The following BCAS3 variants were observed in gnomAD, a reference collection of about 807,000 sequenced individuals.
BCAS3 encodes the protein BCAS4/BCAS3 fusion.
A neutral mutation model predicts 116.1 loss-of-function variants in BCAS3; 53 were observed. That is an observed-to-expected ratio of 0.46 (90% confidence interval 0.37 to 0.57). The LOEUF (loss-of-function observed/expected upper bound fraction) is 0.57. BCAS3 is among the 20% of genes least tolerant of loss of function. The pLI, the probability that BCAS3 is intolerant of heterozygous loss-of-function variation, is 0.00. For synonymous variants in BCAS3, 391 were observed against 408.2 expected, an observed-to-expected ratio of 0.96 and a Z score of 0.51; for missense variants, 917 against 1,165.4, an observed-to-expected ratio of 0.79 and a Z score of 3.10.
At chr17:61,137,012 T>C (rs1328075511) in intron 22 of BCAS3, among the ~76,000 whole-genome samples, 1 of 152,134 alleles carries the variant, frequency 6.6e-6, no homozygotes, top group Admixed American at 6.5e-5. Flanking sequence ...ATAAAACTTT[T>C]TTAAAAAAAG....
intron 6 of BCAS3, among the ~76,000 whole-genome samples, chr17:60,762,631 G>A (rs1049818583): frequency 8.5e-5 from 13 of 152,122 alleles, no homozygotes; most frequent in Admixed American, 5.9e-4. Context: ...GTCAGGTAGC[G>A]TGATGCCTCC....
rs535544481 is a variant in BCAS3 at position 61,023,889 on chromosome 17, G to A, written c.1637+7988G>A. ...TGACAAATTGAGTAGGTTTTATATG[G>A]CATATTTGTTAAGCCTGCTAAAATT... On this transcript the variant is annotated intron_variant, in intron 16 of 23. Transcript: ENST00000407086. This position sits in a 1 kb window ranked among gnomAD's most constrained non-coding sequence, Gnocchi z 4.8. Among the ~76,000 whole-genome samples, 3 of 152,148 alleles carry A rather than the reference G, an allele frequency of 2.0e-5. No individual in the cohort carries two copies. Among genetic ancestry groups the A allele is most frequent in the African/African-American group, 4.8e-5 (2 of 41,494 alleles).
In BCAS3 at chr17:61,076,141, G is replaced by A. The variant is rs1315623201; in HGVS notation, c.2130+1121G>A. Among the ~76,000 whole-genome samples the A allele has an allele frequency of 3.9e-5, 6 of 152,256 alleles. No homozygotes were observed. The East Asian group carries it at 1.2e-3, about 29-fold the overall frequency. ...GGGCTTTGAAATAAAAGATACTTGG[G>A]CAGATGTCAAAATGATGGGATTACA... is the stretch of plus-strand genomic sequence containing the variant. On this transcript the variant is annotated intron_variant, in intron 20 of 23. Transcript: ENST00000407086.
Position 61,348,908 on chromosome 17 carries a change from A to T in BCAS3, c.2426-19419A>T, listed in dbSNP as rs2057668730. 6.6e-6 allele frequency among the ~76,000 whole-genome samples: 1 copy of T among 151,856 alleles called. No individual in the cohort carries two copies. Among genetic ancestry groups the T allele is most frequent in the African/African-American group, 2.4e-5 (1 of 41,316 alleles). ...GCTGGGACTACAGGCGCCCACCGCC[A>T]CACACGGCTAACTTTTTGTATTTTT... is the stretch of plus-strand genomic sequence containing the variant. On this transcript the variant is annotated intron_variant, in intron 22 of 23. Transcript: ENST00000407086. This position sits in a 1 kb window ranked among gnomAD's most constrained non-coding sequence, Gnocchi z 4.5.
At chr17:60,744,418 A>G (rs2041860386) in intron 5 of BCAS3, among the ~76,000 whole-genome samples, 1 of 152,162 alleles carries the variant, frequency 6.6e-6, no homozygotes, top group South Asian at 2.1e-4. Context: ...AAAGATAGCT[A>G]AAGCAGAATC....
At chr17:60,924,353 T>C in intron 12 of BCAS3, 54 bp from the exon 13 acceptor site, 1 of 1,503,144 alleles carries the variant, frequency 6.7e-7, no homozygotes, top group Non-Finnish European at 9.3e-7. Flanking sequence ...GGCTTCAAGC[T>C]CGGTTATCAG....
At chr17:60,748,994 TC>T (rs1332175383) in intron 6 of BCAS3, 11 of 152,220 alleles carry the variant, frequency 7.2e-5, no homozygotes, top group Admixed American at 2.6e-4. Context: ...AACAAGGAGT[TC>T]CATCAGTAAC....
At chr17:61,314,034 A>T (rs1300074002) in intron 22 of BCAS3, among the ~76,000 whole-genome samples, 1 of 152,202 alleles carries the variant, frequency 6.6e-6, no homozygotes, top group South Asian at 2.1e-4. Context: ...CTTGCTTGGC[A>T]TCTTAGGATA....
At chr17:61,369,337 C>T (rs2143522782) in intron 23 of BCAS3, among the ~76,000 whole-genome samples, 1 of 152,312 alleles carries the variant, frequency 6.6e-6, no homozygotes, top group South Asian at 2.1e-4. Context: ...TTCTCTCCTG[C>T]TTGCCTGAGT....
rs2054528677 is a variant in BCAS3 at position 61,313,899 on chromosome 17, A to G, written c.2426-54428A>G. Among the ~76,000 whole-genome samples the G allele has an allele frequency of 6.6e-6, 1 of 151,696 alleles. No homozygotes were observed. The highest frequency in any genetic ancestry group is 1.5e-5 in the Non-Finnish European group (1 of 67,938). The stretch of plus-strand genomic sequence containing the variant: ...GCCTGCTGTCTCCTCCACCAGCCCC[A>G]CTCGCCCGGCCCCATACTTAGTGCT... On this transcript the variant is annotated intron_variant, in intron 22 of 23. Transcript: ENST00000407086. This position sits in a 1 kb window ranked among gnomAD's most constrained non-coding sequence, Gnocchi z 4.3.
chr17:61,074,104 A>G (rs1002402791), intron 19 of BCAS3, among the ~76,000 whole-genome samples: 2 of 142,798 alleles, frequency 1.4e-5, no homozygotes, highest in African/African-American at 5.5e-5. Flanking sequence ...GCAAGATCCT[A>G]TCTCTTAAGA....
intron 22 of BCAS3, among the ~76,000 whole-genome samples, chr17:61,290,853 T>C (rs2052318940): frequency 6.6e-6 from 1 of 152,140 alleles, no homozygotes; most frequent in South Asian, 2.1e-4. Context: ...TGATCTCGGC[T>C]CACTGTGAGC....
Position 60,900,306 on chromosome 17 carries a change from G to C in BCAS3, c.739-2314G>C, listed in dbSNP as rs2057800679. On this transcript the variant is annotated intron_variant, in intron 10 of 23. Transcript: ENST00000407086. ...CTCCCTCCCTGGAGCAGTTCTGTTG[G>C]AGAGTCTCCTGGCAGCTCCCTATGT... 3 of 152,332 alleles carry C rather than the reference G, an allele frequency of 2.0e-5. No homozygotes were observed. The South Asian group carries it at 6.2e-4, about 32-fold the overall frequency. The allele number at this position is 152,332 out of a possible 1,614,324, so 9.4% of individuals were successfully genotyped here.
At position 61,104,379 on chromosome 17, in the gene BCAS3, T is replaced by G. The variant is rs550905093; in HGVS notation, c.2425+19815T>G. Among the ~76,000 whole-genome samples the G allele has an allele frequency of 7.9e-5, 12 of 152,332 alleles. No homozygotes were observed. The South Asian group carries it at 2.5e-3, about 32-fold the overall frequency. On this transcript the variant is annotated intron_variant, in intron 22 of 23. Coordinates refer to ENST00000407086, the MANE Select transcript of BCAS3 (RefSeq NM_017679.5). The surrounding 1 kb of genome is among the most constrained non-coding windows in gnomAD (Gnocchi z 4.1). ...ATATAACTTTTTCATCTTGTATAAC[T>G]GAATAAAGAAAATTTTTTATTGAAA...
At chr17:60,806,103 T>C (rs1442165417) in intron 6 of BCAS3, among the ~76,000 whole-genome samples, 1 of 152,060 alleles carries the variant, frequency 6.6e-6, no homozygotes, top group Non-Finnish European at 1.5e-5. Context: ...TCTCGCATCC[T>C]GACCTCAGGT....
rs566986919 is a variant in BCAS3, at chr17:60,963,086, G to A, written c.1221+15734G>A. ...ATGTTTGGTTTCTCTAGTACGTTCC[G>A]TTGGTCTGTGTATCTATTTTTATGC... On this transcript the variant is annotated intron_variant, in intron 14 of 23. Transcript: ENST00000407086. Among the ~76,000 whole-genome samples, 57 of 152,182 alleles carry A rather than the reference G, an allele frequency of 3.7e-4. 1 individual carries two copies. Among genetic ancestry groups the A allele is most frequent in the South Asian group, 8.3e-4 (4 of 4,818 alleles).
intron 6 of BCAS3, among the ~76,000 whole-genome samples, chr17:60,802,618 A>G (rs888259513): frequency 9.9e-5 from 15 of 152,082 alleles, no homozygotes; most frequent in African/African-American, 3.1e-4. Flanking sequence ...TGAAAAGCTA[A>G]TTGAAAACAT....
chr17:61,284,187 T>A (rs940569253), intron 22 of BCAS3, among the ~76,000 whole-genome samples: 1 of 152,192 alleles, frequency 6.6e-6, no homozygotes. Flanking sequence ...CAGCAGGATG[T>A]GGGCAGGGCC....
At chr17:60,899,048 C>T (rs1160079023) in intron 10 of BCAS3, among the ~76,000 whole-genome samples, 1 of 151,978 alleles carries the variant, frequency 6.6e-6, no homozygotes, top group Non-Finnish European at 1.5e-5. Flanking sequence ...GAAGGCAGAA[C>T]TAGGCTGGGT....
Sources: gnomAD v4.1 joint callset for allele counts (sites outside exome capture counted in the v4.1 genomes callset) on GRCh38, gnomAD v4.1.1 for gene constraint, Gnocchi (gnomAD v3.1) non-coding constraint, MANE v1.5 for transcripts, NCBI Gene and HGNC (gene_info 2026-07-23, HGNC 2026-07-21) for gene names.